LRRTM4: variants seen among roughly 807,000 people sequenced by gnomAD.
LRRTM4 encodes leucine rich repeat transmembrane neuronal 4.
A neutral mutation model predicts 47.6 loss-of-function variants in LRRTM4; 25 were observed. The observed-to-expected ratio is 0.53, with a 90% confidence interval of 0.38 to 0.73. LRRTM4 has a LOEUF of 0.73. Among genes scored for constraint, LRRTM4 ranks in the 30% least tolerant of loss-of-function variants. LRRTM4 has a pLI of 0.00. For synonymous variants in LRRTM4, 311 were observed against 269.5 expected, an observed-to-expected ratio of 1.15 and a Z score of -1.51; for missense variants, 638 against 713.4, an observed-to-expected ratio of 0.89 and a Z score of 1.20.
At chr2:77,260,854 C>T (rs549603183) in intron 3 of LRRTM4, among the ~76,000 whole-genome samples, 38 of 152,222 alleles carry the variant, frequency 2.5e-4, no homozygotes, top group Non-Finnish European at 4.1e-4. Flanking sequence ...GAATGTATGA[C>T]GCTAGAATTG....
chr2:77,067,220 G>A (rs1217652729), intron 3 of LRRTM4, among the ~76,000 whole-genome samples: 1 of 151,976 alleles, frequency 6.6e-6, no homozygotes, highest in Non-Finnish European at 1.5e-5. Context: ...AATGACTGAA[G>A]AAAGAAAAGA....
intron 3 of LRRTM4, among the ~76,000 whole-genome samples, chr2:76,786,298 G>T (rs1013828457): frequency 2.0e-5 from 3 of 151,992 alleles, no homozygotes; most frequent in Non-Finnish European, 2.9e-5. Flanking sequence ...GGCGGAGATT[G>T]TATTGGTTAA....
At chr2:76,908,233 A>T (rs1673920135) in intron 3 of LRRTM4, among the ~76,000 whole-genome samples, 1 of 151,836 alleles carries the variant, frequency 6.6e-6, no homozygotes. Flanking sequence ...ACAGAACCAA[A>T]GACAAAAACC....
At chr2:76,785,807 G>A (rs749276340) in intron 3 of LRRTM4, among the ~76,000 whole-genome samples, 4 of 152,106 alleles carry the variant, frequency 2.6e-5, no homozygotes, top group Non-Finnish European at 4.4e-5. Context: ...AAGCCATCAT[G>A]TTCTTGGCTT....
chr2:77,011,531 T>TTGCGTGTGTG (rs528405585), intron 3 of LRRTM4, among the ~76,000 whole-genome samples: 1 of 144,046 alleles, frequency 6.9e-6, no homozygotes, highest in Non-Finnish European at 1.5e-5. Context: ...GAAGAAGCAT[T>TTGCGTGTGTG]TGTGTGTGTG....
chr2:77,403,875 T>A (rs1674062480), intron 3 of LRRTM4, among the ~76,000 whole-genome samples: 1 of 150,750 alleles, frequency 6.6e-6, no homozygotes, highest in Admixed American at 6.6e-5. Flanking sequence ...GAGAAATATA[T>A]ATATATATAT....
At chr2:77,004,741 G>A (rs1164266182) in intron 3 of LRRTM4, among the ~76,000 whole-genome samples, 1 of 152,130 alleles carries the variant, frequency 6.6e-6, no homozygotes, top group African/African-American at 2.4e-5. Flanking sequence ...CTCACTGCCA[G>A]CACATGAAAG....
intron 3 of LRRTM4, among the ~76,000 whole-genome samples, chr2:77,501,133 T>TA (rs1300366665): frequency 6.6e-6 from 1 of 150,478 alleles, no homozygotes; most frequent in Non-Finnish European, 1.5e-5. Context: ...TATAATTTTA[T>TA]ATATGTATAT....
At chr2:77,468,765 T>C (rs1334485376) in intron 3 of LRRTM4, among the ~76,000 whole-genome samples, 7 of 152,146 alleles carry the variant, frequency 4.6e-5, no homozygotes, top group African/African-American at 1.7e-4. Context: ...GCCAGTGTCC[T>C]GGCCAAACTC....
At chr2:77,137,634 T>C (rs1048727398) in intron 3 of LRRTM4, among the ~76,000 whole-genome samples, 124 of 152,192 alleles carry the variant, frequency 8.1e-4, no homozygotes, top group African/African-American at 2.7e-3. Context: ...ATATTAACCT[T>C]AAATGTAAAT....
In LRRTM4 at chr2:76,821,905, G is replaced by C. The variant is rs377261706; in HGVS notation, c.1552-72989C>G. ...CTGTTCCTCCTGGGGCATCCTCATT[G>C]CATCATATAGTACCTGACGTATGTT... On this transcript the variant is annotated intron_variant, in intron 3 of 3. Coordinates refer to ENST00000409884, the MANE Select transcript of LRRTM4 (RefSeq NM_001134745.3). 4.0e-5 allele frequency among the ~76,000 whole-genome samples: 6 copies of C among 151,624 alleles called. No individual in the cohort carries two copies. The East Asian group carries it at 7.8e-4, about 20-fold the overall frequency.
At chr2:76,870,299 G>A (rs964666364) in intron 3 of LRRTM4, among the ~76,000 whole-genome samples, 7 of 151,962 alleles carry the variant, frequency 4.6e-5, no homozygotes, top group Non-Finnish European at 8.8e-5. Context: ...TTTTGTAAAG[G>A]GTTGTGTGCT....
chr2:77,402,307 G>A (rs1673992374), intron 3 of LRRTM4, among the ~76,000 whole-genome samples: 1 of 151,794 alleles, frequency 6.6e-6, no homozygotes, highest in Non-Finnish European at 1.5e-5. Context: ...CACCATACCT[G>A]ATTGGTTTTT....
intron 3 of LRRTM4, among the ~76,000 whole-genome samples, chr2:76,955,295 TA>T (rs1208747300): frequency 6.6e-6 from 1 of 151,586 alleles, no homozygotes; most frequent in African/African-American, 2.4e-5. Flanking sequence ...ACACACAATA[TA>T]AAAAAATGTG....
At chr2:76,876,541 C>G (rs1333411711) in intron 3 of LRRTM4, among the ~76,000 whole-genome samples, 3 of 152,022 alleles carry the variant, frequency 2.0e-5, no homozygotes, top group Non-Finnish European at 4.4e-5. Context: ...ATTTGATACA[C>G]AAAATTAACA....
chr2:77,375,351 G>A (rs11693018), intron 3 of LRRTM4, among the ~76,000 whole-genome samples: 48,048 of 151,380 alleles, frequency 0.32, 8,713 homozygotes, highest in East Asian at 0.56. Context: ...CACCATACCC[G>A]TGTAACTATT....
rs576435609 is a variant in LRRTM4 at position 76,900,613 on chromosome 2, T to C, written c.1552-151697A>G. ...AACTGCCCTCTACCAAATAATTCAA[T>C]TGAAACATGAAATGCAGTTAAAGAT... On this transcript the variant is annotated intron_variant, in intron 3 of 3. Coordinates refer to ENST00000409884, the MANE Select transcript of LRRTM4 (RefSeq NM_001134745.3). Among the ~76,000 whole-genome samples the C allele has an allele frequency of 3.3e-3, 508 of 152,286 alleles. 2 individuals are homozygous for C. Among genetic ancestry groups the C allele is most frequent in the Non-Finnish European group, 5.1e-3 (346 of 68,018 alleles).
intron 3 of LRRTM4, among the ~76,000 whole-genome samples, chr2:76,883,986 T>A (rs1255760524): frequency 9.8e-6 from 1 of 102,426 alleles, no homozygotes; most frequent in African/African-American, 4.0e-5. Flanking sequence ...CCCGGCTAAT[T>A]TTTTTTTTTT....
intron 3 of LRRTM4, among the ~76,000 whole-genome samples, chr2:76,906,413 C>T (rs1037084307): frequency 4.6e-5 from 7 of 152,098 alleles, no homozygotes; most frequent in East Asian, 1.9e-4. Context: ...TAAAGACCAT[C>T]GAGACTAGGA....
Sources: gnomAD v4.1 joint callset for allele counts (sites outside exome capture counted in the v4.1 genomes callset) on GRCh38, gnomAD v4.1.1 for gene constraint, MANE v1.5 for transcripts, NCBI Gene and HGNC (gene_info 2026-07-23, HGNC 2026-07-21) for gene names.